The following BDP1 variants were observed in gnomAD, a reference collection of about 807,000 sequenced individuals.
BDP1 encodes the protein BDP1 general transcription factor IIIB subunit.
In BDP1, 169 loss-of-function variants were observed where a neutral mutation model predicts 266.6. That is an observed-to-expected ratio of 0.63 (90% CI 0.56 to 0.72). The LOEUF is 0.72. BDP1 is among the 30% of genes least tolerant of loss of function. The pLI, the probability that BDP1 is intolerant of heterozygous loss-of-function variation, is 0.00. For missense variants in BDP1, 3,015 were observed against 3,053.8 expected, an observed-to-expected ratio of 0.99 and a Z score of 0.30; for synonymous variants, 1,090 against 1,022.4, an observed-to-expected ratio of 1.07 and a Z score of -1.26.
intron 25 of BDP1, 53 bp from the exon 26 acceptor site, chr5:71,532,255 G>A (rs1766291604): frequency 1.3e-6 from 2 of 1,548,972 alleles, no homozygotes; most frequent in South Asian, 1.2e-5. Context: ...ATGAGGCTTT[G>A]TTTTGCTGTT....
intron 35 of BDP1, among the ~76,000 whole-genome samples, chr5:71,556,426 T>G (rs1207260248): frequency 6.6e-6 from 1 of 152,212 alleles, no homozygotes; most frequent in Admixed American, 6.5e-5. Context: ...AATAGTTATA[T>G]TTTATAGTGT....
Position 71,510,652 on chromosome 5 carries a change from G to A in BDP1, c.3560G>A (p.Arg1187Gln), listed in dbSNP as rs753064116. ...GAGGGTTCCTCAAGGGAGAAGACAC[G>A]AGAGGTGATTGATGCTGCTGAGGTA... is the stretch of plus-strand genomic sequence containing the variant. Reference protein sequence around the residue: ...GREGSSREKTREVIDAAEVIE... With the variant: ...GREGSSREKTQEVIDAAEVIE... Residue 1187 changes from arginine to glutamine, a missense_variant, in exon 17 of 39, where the codon CGA becomes CAA. Arg to Gln is a conservative substitution (Grantham distance 43, BLOSUM62 1). Coordinates refer to ENST00000358731, the MANE Select transcript of BDP1 (RefSeq NM_018429.3). 5.0e-6 allele frequency: 8 copies of A among 1,584,748 alleles called. No individual in the cohort carries two copies. Among genetic ancestry groups the A allele is most frequent in the South Asian group, 1.1e-5 (1 of 89,080 alleles).
chr5:71,523,877 G>T, intron 24 of BDP1, 62 bp from the exon 25 acceptor site: 1 of 1,468,812 alleles, frequency 6.8e-7, no homozygotes, highest in South Asian at 1.5e-5. Flanking sequence ...TAAAAGTTTG[G>T]TTTTCATTAA....
Position 71,466,200 on chromosome 5 carries a change from C to T in BDP1, c.764C>T (p.Ser255Phe). Residue 255 changes from serine to phenylalanine, a missense_variant, in exon 5 of 39, where the codon TCC (serine) becomes TTC (phenylalanine). Physicochemically the swap from Ser to Phe is radical, Grantham distance 155. Coordinates refer to ENST00000358731, the MANE Select transcript of BDP1 (RefSeq NM_018429.3). ...VPRVKVAEDG[S>F]IILDEESLTV... is the part of the protein sequence containing the mutation. Reference sequence around the variant, plus strand: ...CGAGTAAAAGTGGCAGAAGATGGTTCCATTATTTTGGATGAAGAAAGGTAT... The same window carrying T: ...CGAGTAAAAGTGGCAGAAGATGGTTTCATTATTTTGGATGAAGAAAGGTAT... 1 of 1,613,794 alleles carries T rather than the reference C, an allele frequency of 6.2e-7. No homozygotes were observed. The highest frequency in any genetic ancestry group is 1.7e-5 in the Admixed American group (1 of 59,998).
At chr5:71,563,202 C>A (rs906311959) in intron 38 of BDP1, among the ~76,000 whole-genome samples, 2 of 152,156 alleles carry the variant, frequency 1.3e-5, no homozygotes, top group Admixed American at 1.3e-4. Context: ...GGCTGTAGTG[C>A]AGTGGCGTGA....
intron 1 of BDP1, among the ~76,000 whole-genome samples, chr5:71,457,642 G>GT (rs1561659596): frequency 1.3e-5 from 2 of 151,904 alleles, no homozygotes; most frequent in African/African-American, 4.8e-5. Context: ...GTCTTTGCTA[G>GT]TTGTAAAACT....
intron 9 of BDP1, among the ~76,000 whole-genome samples, chr5:71,488,853 G>A (rs893487398): frequency 4.6e-5 from 7 of 151,696 alleles, no homozygotes; most frequent in Non-Finnish European, 8.8e-5. Flanking sequence ...GATTACAGGC[G>A]CCTGCCACCA....
chr5:71,515,384 T>C (rs959351708), intron 20 of BDP1, among the ~76,000 whole-genome samples: 2 of 152,146 alleles, frequency 1.3e-5, no homozygotes, highest in Admixed American at 6.5e-5. Flanking sequence ...TGAGCATCCC[T>C]AATAAAAAAT....
Position 71,545,101 on chromosome 5 carries a change from C to T in BDP1, c.6626C>T (p.Ser2209Phe), listed in dbSNP as rs757118404. Residue 2209 changes from serine to phenylalanine, a missense_variant, in exon 32 of 39, where the codon TCC (serine) becomes TTC (phenylalanine). This residue lies in a region of BDP1 where 629 missense variants were observed against 632.5 expected (regional missense o/e 0.99). Coordinates refer to ENST00000358731, the MANE Select transcript of BDP1 (RefSeq NM_018429.3). ...ATGTTGTCAGTTGCTCCAGTTGCTT[C>T]CTCTGAGACAGGGCCCTGCACACTT... ...VHMLSVAPVA[S>F]SETGPCTLGL... 1.2e-5 allele frequency: 20 copies of T among 1,613,658 alleles called. No homozygotes were observed. Among genetic ancestry groups the T allele is most frequent in the Non-Finnish European group, 1.4e-5 (17 of 1,179,866 alleles).
At chr5:71,523,011 T>C in intron 24 of BDP1, 62 bp downstream of exon 24, 1 of 1,427,120 alleles carries the variant, frequency 7.0e-7, no homozygotes, top group South Asian at 1.5e-5. Context: ...ACTTTTACCT[T>C]AACTTACTGG....
In BDP1 at chr5:71,541,450, T is replaced by A. The variant is rs1766959286; in HGVS notation, c.6023-4T>A. The A allele has an allele frequency of 8.8e-7, 1 of 1,132,782 alleles. No individual in the cohort carries two copies. Among genetic ancestry groups the A allele is most frequent in the Admixed American group, 2.8e-5 (1 of 35,784 alleles). 70.2% of individuals were successfully genotyped at this position (1,132,782 alleles called of 1,614,324 possible). On this transcript the variant is annotated splice_polypyrimidine_tract_variant and splice_region_variant and intron_variant, in intron 28 of 38. Coordinates refer to ENST00000358731, the MANE Select transcript of BDP1 (RefSeq NM_018429.3). ...TTAATTTTGTTTTTTTTTTTTTTCT[T>A]CAGTAGGAGTATGTATAATTCCTCA...
Position 71,532,346 on chromosome 5 carries a change from A to G in BDP1, c.5811A>G (p.Ile1937Met). 1 of 1,613,628 alleles carries G rather than the reference A, an allele frequency of 6.2e-7. No homozygotes were observed. The highest frequency in any genetic ancestry group is 8.5e-7 in the Non-Finnish European group (1 of 1,179,640). Residue 1937 changes from isoleucine to methionine, a missense_variant, in exon 26 of 39, where the codon ATA (isoleucine) becomes ATG (methionine). Around this residue, in one of 3 missense-constraint regions of BDP1, gnomAD observed 2,383 missense variants for 2,404.9 expected, o/e 0.99. Transcript: ENST00000358731. ...ITVNVPDVGC[I>M]AVVEHELPNT... is the part of the protein sequence containing the mutation. ...TGAATGTCCCAGATGTAGGATGCATAGCTGTTGTTGAACATGAGCTACCAA... is the reference window on the plus strand; with the variant it reads ...TGAATGTCCCAGATGTAGGATGCATGGCTGTTGTTGAACATGAGCTACCAA...
At chr5:71,561,109 A>AG (rs1491325528) in intron 37 of BDP1, among the ~76,000 whole-genome samples, 2 of 151,758 alleles carry the variant, frequency 1.3e-5, no homozygotes, top group African/African-American at 4.9e-5. Context: ...CTCTGAAAAA[A>AG]GAAAAAAAAA....
Position 71,539,028 on chromosome 5 carries a change from T to G in BDP1, c.5893-14T>G, listed in dbSNP as rs376884329. 945 of 1,574,112 alleles carry G rather than the reference T, an allele frequency of 6.0e-4. 13 individuals carry two copies. The South Asian group carries it at 0.01, about 17-fold the overall frequency. ...GAAGTATTTTAAGATGTTACTTATTTTTTTCCTTTTTAGGAAATGACCACA... is the reference window on the plus strand; with the variant it reads ...GAAGTATTTTAAGATGTTACTTATTGTTTTCCTTTTTAGGAAATGACCACA... On this transcript the variant is annotated splice_polypyrimidine_tract_variant and intron_variant, in intron 26 of 38. Transcript: ENST00000358731.
rs755622392 is a variant in BDP1 at position 71,560,006 on chromosome 5, T to A, written c.7265T>A (p.Ile2422Asn). 1.9e-6 allele frequency: 3 copies of A among 1,613,710 alleles called. No homozygotes were observed. In the African/African-American group the frequency reaches 4.0e-5, roughly 22 times the overall value. The change falls in exon 37 of 39, where the codon ATT becomes AAT. Residue 2422 changes from isoleucine (I) to asparagine (N), a missense_variant. Ile to Asn is a moderately radical substitution (Grantham distance 149, BLOSUM62 -3). Around this residue, in one of 3 missense-constraint regions of BDP1, gnomAD observed 629 missense variants for 632.5 expected, o/e 0.99. Transcript: ENST00000358731. ...ETGESHKGQD[I>N]FLTSGSTLTT... ...GGGGAGTCTCACAAGGGACAAGATA[T>A]TTTTCTTACCTCAGGAAGCACACTG...
chr5:71,539,713 A>T, intron 28 of BDP1, 64 bp downstream of exon 28: 2 of 1,119,742 alleles, frequency 1.8e-6, no homozygotes, highest in Non-Finnish European at 2.6e-6. Flanking sequence ...AAGAAATTAT[A>T]CCCACATTTG....
At position 71,524,202 on chromosome 5, in the gene BDP1, A is replaced by G. The variant is rs374161441; in HGVS notation, c.5651A>G (p.Asp1884Gly). 6.1e-5 allele frequency: 99 copies of G among 1,614,088 alleles called. No individual in the cohort carries two copies. The highest frequency in any genetic ancestry group is 3.8e-4 in the Admixed American group (23 of 60,002). ...GATGATGCTGACGATTTTGAGTCTGACTATGAGGAAGAAAGCTATCATCTT... is the reference window on the plus strand; with the variant it reads ...GATGATGCTGACGATTTTGAGTCTGGCTATGAGGAAGAAAGCTATCATCTT... ...EDDDADDFES[D>G]YEEESYHLAP... Residue 1884 changes from aspartate (D) to glycine (G), a missense_variant, in exon 25 of 39, where the codon GAC becomes GGC. By Grantham distance (94) the Asp-to-Gly change is moderately conservative. This residue lies in a region of BDP1 where 2,383 missense variants were observed against 2,404.9 expected (regional missense o/e 0.99). Coordinates refer to ENST00000358731, the MANE Select transcript of BDP1 (RefSeq NM_018429.3).
At chr5:71,539,792 T>C in intron 28 of BDP1, 143 bp downstream of exon 28, 1 of 559,228 alleles carries the variant, frequency 1.8e-6, no homozygotes, top group Admixed American at 3.2e-5. Context: ...GATATGTATG[T>C]ATTGATCCAT....
intron 6 of BDP1, among the ~76,000 whole-genome samples, chr5:71,468,328 G>T (rs575220412): frequency 6.6e-6 from 1 of 151,590 alleles, no homozygotes; most frequent in African/African-American, 2.4e-5. Flanking sequence ...CTGTGTTTTG[G>T]ATTTTTTGAA....
Sources: allele counts gnomAD v4.1 joint callset (sites outside exome capture counted in the v4.1 genomes callset), GRCh38; gene constraint gnomAD v4.1.1; regional missense constraint gnomAD v4.1.1; transcripts MANE v1.5; gene names NCBI Gene and HGNC (gene_info 2026-07-23, HGNC 2026-07-21).